Variants in TMEM132D observed in about 807,000 individuals in gnomAD.
The protein encoded by TMEM132D is transmembrane protein 132D.
Under a neutral mutation model 62.3 loss-of-function variants are expected in TMEM132D, and 21 were observed. The ratio of observed to expected loss-of-function variants is 0.34; its 90% CI spans 0.24 to 0.49. TMEM132D has a LOEUF of 0.49. Among genes scored for constraint, TMEM132D ranks in the 20% least tolerant of loss-of-function variants. The probability of loss-of-function intolerance (pLI) is 0.99; values close to 1 mark genes in which losing one functional copy is unlikely to be tolerated. For missense variants in TMEM132D, 1,346 were observed against 1,402.8 expected (o/e 0.96, Z 0.65); for synonymous variants, 621 against 575.6 (o/e 1.08, Z -1.13).
chr12:129,647,292 GTTTA>G (rs1265189034), intron 2 of TMEM132D, among the ~76,000 whole-genome samples: 1 of 124,074 alleles, frequency 8.1e-6, no homozygotes. Flanking sequence ...TGCAGCTCTA[GTTTA>G]TTTATTTTAA....
chr12:129,591,658 A>T (rs1426792717), intron 2 of TMEM132D, among the ~76,000 whole-genome samples: 1 of 151,976 alleles, frequency 6.6e-6, no homozygotes, highest in Non-Finnish European at 1.5e-5. Context: ...TGATAGCAAA[A>T]AATAATAATA....
chr12:129,845,329 G>A (rs1394991363), intron 1 of TMEM132D, among the ~76,000 whole-genome samples: 1 of 152,150 alleles, frequency 6.6e-6, no homozygotes, highest in Non-Finnish European at 1.5e-5. Context: ...AACTTCTAAA[G>A]GCAGATAAAA....
chr12:129,348,683 C>T (rs1409587171), intron 3 of TMEM132D, among the ~76,000 whole-genome samples: 2 of 152,158 alleles, frequency 1.3e-5, no homozygotes, highest in Non-Finnish European at 2.9e-5. Flanking sequence ...AACAAACCTG[C>T]ATGTTCTGCA....
At chr12:129,673,607 G>T (rs571672254) in intron 2 of TMEM132D, among the ~76,000 whole-genome samples, 66 of 152,234 alleles carry the variant, frequency 4.3e-4, no homozygotes, top group African/African-American at 1.5e-3. Flanking sequence ...AGCAGTCCAG[G>T]CAAAATGGTG....
At chr12:129,148,871 C>T (rs1424128083) in intron 5 of TMEM132D, among the ~76,000 whole-genome samples, 1 of 148,018 alleles carries the variant, frequency 6.8e-6, no homozygotes, top group Non-Finnish European at 1.5e-5. Context: ...TTCTAGCTCT[C>T]CAAATTGTCT....
intron 5 of TMEM132D, among the ~76,000 whole-genome samples, chr12:129,091,309 T>C (rs1453884227): frequency 2.0e-5 from 3 of 151,838 alleles, no homozygotes; most frequent in African/African-American, 7.3e-5. Flanking sequence ...GGACCTTATA[T>C]AGGCTCACAA....
chr12:129,781,090 C>T (rs1157615813), intron 1 of TMEM132D, among the ~76,000 whole-genome samples: 2 of 152,178 alleles, frequency 1.3e-5, no homozygotes, highest in Admixed American at 1.3e-4. Context: ...CCATCAAAAG[C>T]TTTGTTGCAA....
rs551677623 is a variant in TMEM132D at position 129,106,619 on chromosome 12, G to A, written c.1444-21917C>T. Among the ~76,000 whole-genome samples, 6 of 152,286 alleles carry A rather than the reference G, an allele frequency of 3.9e-5. No individual in the cohort carries two copies. In the South Asian group the frequency reaches 1.0e-3, roughly 26 times the overall value. ...ACGTTTGTGGGCTTGGGAGAAGGTT[G>A]AGAATGACCAGGCACAGATCTCCTC... On this transcript the variant is annotated intron_variant, in intron 5 of 8. Coordinates refer to ENST00000422113, the MANE Select transcript of TMEM132D (RefSeq NM_133448.3).
intron 3 of TMEM132D, among the ~76,000 whole-genome samples, chr12:129,516,276 T>C (rs1875671799): frequency 6.6e-6 from 1 of 152,238 alleles, no homozygotes; most frequent in Admixed American, 6.5e-5. Context: ...AAGTGCAACG[T>C]CTGACTGAGG....
At chr12:129,174,544 T>G (rs1877845983) in intron 5 of TMEM132D, among the ~76,000 whole-genome samples, 2 of 152,218 alleles carry the variant, frequency 1.3e-5, no homozygotes, top group African/African-American at 4.8e-5. Context: ...AACATACATG[T>G]GCATGTGTCT....
At chr12:129,441,806 T>TA (rs890327114) in intron 3 of TMEM132D, among the ~76,000 whole-genome samples, 19 of 152,164 alleles carry the variant, frequency 1.2e-4, no homozygotes, top group South Asian at 8.3e-4. Flanking sequence ...TACACAGTGA[T>TA]AAAAAAATAA....
chr12:129,155,302 C>T (rs1157183001), intron 5 of TMEM132D, among the ~76,000 whole-genome samples: 1 of 152,224 alleles, frequency 6.6e-6, no homozygotes, highest in Non-Finnish European at 1.5e-5. Flanking sequence ...ACAGGGAGTA[C>T]ATGCATCTTG....
intron 2 of TMEM132D, among the ~76,000 whole-genome samples, chr12:129,542,016 A>T (rs1876596751): frequency 6.6e-6 from 1 of 152,242 alleles, no homozygotes; most frequent in Admixed American, 6.5e-5. Context: ...CTTGCCTCCA[A>T]TGGGAGATAT....
intron 7 of TMEM132D, among the ~76,000 whole-genome samples, chr12:129,080,531 A>G (rs1446721887): frequency 6.6e-6 from 1 of 152,218 alleles, no homozygotes; most frequent in Non-Finnish European, 1.5e-5. Flanking sequence ...ATTTTCCAGA[A>G]TGGATATGTT....
intron 2 of TMEM132D, among the ~76,000 whole-genome samples, chr12:129,682,642 G>A (rs1422266199): frequency 5.9e-5 from 9 of 151,948 alleles, no homozygotes; most frequent in African/African-American, 9.7e-5. Context: ...GGTGGATCAC[G>A]AGGTCAGGAG....
At chr12:129,075,387 CTTCTGAACAATAATAAA>C in intron 8 of TMEM132D, among the ~76,000 whole-genome samples, 1 of 150,610 alleles carries the variant, frequency 6.6e-6, no homozygotes, top group Admixed American at 6.6e-5. Flanking sequence ...TCAGAATCAA[CTTCTGAACAATAATAAA>C]TTGCACGACA....
intron 4 of TMEM132D, among the ~76,000 whole-genome samples, chr12:129,217,946 G>T (rs1449968468): frequency 6.6e-6 from 1 of 152,116 alleles, no homozygotes; most frequent in Non-Finnish European, 1.5e-5. Context: ...GAAGCTTGGT[G>T]GGGGCACAAT....
intron 2 of TMEM132D, among the ~76,000 whole-genome samples, chr12:129,660,171 G>C (rs1880199901): frequency 6.6e-6 from 1 of 152,152 alleles, no homozygotes; most frequent in African/African-American, 2.4e-5. Context: ...GAGAGAGAGA[G>C]AGAGGCTCAA....
intron 2 of TMEM132D, among the ~76,000 whole-genome samples, chr12:129,689,675 A>G (rs1009150621): frequency 3.9e-5 from 6 of 152,188 alleles, no homozygotes; most frequent in Admixed American, 1.3e-4. Context: ...TGGGATCAAT[A>G]CTGTCCTAGG....
Sources: allele counts gnomAD v4.1 joint callset (sites outside exome capture counted in the v4.1 genomes callset), GRCh38; gene constraint gnomAD v4.1.1; transcripts MANE v1.5; gene names NCBI Gene and HGNC (gene_info 2026-07-23, HGNC 2026-07-21).